The following FREM1 variants were observed in gnomAD, a reference collection of about 807,000 sequenced individuals.
FREM1 encodes FRAS1 related extracellular matrix 1.
Under a neutral mutation model 210.1 loss-of-function variants are expected in FREM1, and 220 were observed. The ratio of observed to expected loss-of-function variants is 1.05; its 90% CI spans 0.94 to 1.17. The LOEUF (loss-of-function observed/expected upper bound fraction) is 1.17. Among genes scored for constraint, FREM1 ranks in the 50% most tolerant of loss-of-function variants. The pLI is 0.00. For missense variants in FREM1, 3,454 were observed against 2,675.5 expected (o/e 1.29, Z -6.42); for synonymous variants, 1,189 against 980.2 (o/e 1.21, Z -3.98).
chr9:14,898,772 C>T (rs1838235382), intron 1 of FREM1, among the ~76,000 whole-genome samples: 1 of 152,116 alleles, frequency 6.6e-6, no homozygotes, highest in Non-Finnish European at 1.5e-5. Flanking sequence ...GAATGTACAA[C>T]ACAAAGAGTG....
chr9:14,795,588 G>A (rs527759938), intron 21 of FREM1, among the ~76,000 whole-genome samples: 1 of 152,294 alleles, frequency 6.6e-6, no homozygotes, highest in African/African-American at 2.4e-5. Flanking sequence ...AAAAGGGAGG[G>A]TTTTTGAAGC....
chr9:14,879,722 G>A (rs552400644), intron 1 of FREM1, among the ~76,000 whole-genome samples: 1 of 152,158 alleles, frequency 6.6e-6, no homozygotes, highest in African/African-American at 2.4e-5. Flanking sequence ...AAATAAAATG[G>A]AGAAAAGCAT....
intron 4 of FREM1, among the ~76,000 whole-genome samples, chr9:14,858,662 A>G (rs1339091387): frequency 6.6e-6 from 1 of 152,208 alleles, no homozygotes; most frequent in Non-Finnish European, 1.5e-5. Context: ...AGAGAACAGG[A>G]GGTGCCCAAA....
chr9:14,756,346 T>G, intron 29 of FREM1, 28 bp downstream of exon 29: 3 of 1,512,300 alleles, frequency 2.0e-6, no homozygotes, highest in Non-Finnish European at 2.7e-6. Flanking sequence ...ACAAAACACA[T>G]AAAACAAACT....
At chr9:14,744,084 T>C (rs1038035197) in intron 35 of FREM1, among the ~76,000 whole-genome samples, 3 of 152,126 alleles carry the variant, frequency 2.0e-5, no homozygotes, top group African/African-American at 7.2e-5. Flanking sequence ...TTTTATCTTA[T>C]TTGATACCAC....
intron 8 of FREM1, among the ~76,000 whole-genome samples, chr9:14,845,353 G>A (rs985092463): frequency 6.6e-6 from 1 of 151,614 alleles, no homozygotes; most frequent in African/African-American, 2.4e-5. Flanking sequence ...CACCCAGGCT[G>A]GAGTGCAGTG....
chr9:14,910,526 G>C (rs1237697949), upstream of FREM1: 2 of 152,240 alleles, frequency 1.3e-5, no homozygotes, highest in African/African-American at 4.9e-5. Context: ...TTCACAAATG[G>C]GCACACAGTC....
chr9:14,839,684 T>C (rs900106912), intron 10 of FREM1, among the ~76,000 whole-genome samples: 18 of 152,204 alleles, frequency 1.2e-4, no homozygotes, highest in Admixed American at 7.9e-4. Context: ...ATCTGACATC[T>C]ATACTTGTGT....
chr9:14,890,113 GAGA>G (rs1174086858), intron 1 of FREM1, among the ~76,000 whole-genome samples: 1 of 152,178 alleles, frequency 6.6e-6, no homozygotes. Context: ...CTGTTCAGGG[GAGA>G]AGGTCAGAGA....
At chr9:14,749,862 C>T (rs1441791854) in intron 30 of FREM1, among the ~76,000 whole-genome samples, 4 of 152,160 alleles carry the variant, frequency 2.6e-5, no homozygotes, top group African/African-American at 9.7e-5. Context: ...AACACTGTTT[C>T]CCCCTCGGTG....
Position 14,869,088 on chromosome 9 carries a change from G to A in FREM1, c.-111C>T. On this transcript the variant is annotated 5_prime_UTR_variant, in exon 2 of 37. Coordinates refer to ENST00000380880, the MANE Select transcript of FREM1 (RefSeq NM_001379081.2). ...TCATAGTCCAAGGGGCAGGGTGAGG[G>A]GTCCTGACAATGTGCCCCGAGATCT... 1 of 666,032 alleles carries A rather than the reference G, an allele frequency of 1.5e-6. No individual in the cohort carries two copies. Among genetic ancestry groups the A allele is most frequent in the Non-Finnish European group, 2.5e-6 (1 of 406,196 alleles). The allele number at this position is 666,032 out of a possible 1,614,324, so 41.3% of individuals were successfully genotyped here.
Position 14,868,775 on chromosome 9 carries a change from AT to A in FREM1, c.202del (p.Ile68Ter). On this transcript the variant is annotated frameshift_variant, in exon 2 of 37. Coordinates refer to ENST00000380880, the MANE Select transcript of FREM1 (RefSeq NM_001379081.2). LOFTEE classifies it high-confidence loss of function. The stretch of plus-strand genomic sequence containing the variant: ...AGTGAGTTTCCCAACCCTCTGGGTT[AT>A]TGGCTCATTCATCACAACTTCCACT... ...CKVEVVMNEP[I>X]TQRVGKLTPQ... 1.2e-6 allele frequency: 2 copies of A among 1,612,626 alleles called. No individual in the cohort carries two copies. Among genetic ancestry groups the A allele is most frequent in the Non-Finnish European group, 1.7e-6 (2 of 1,179,338 alleles).
intron 28 of FREM1, among the ~76,000 whole-genome samples, chr9:14,758,703 C>T (rs1039633272): frequency 1.3e-5 from 2 of 151,958 alleles, no homozygotes; most frequent in African/African-American, 4.8e-5. Context: ...GGAGTCTTTA[C>T]AGCTCATTCT....
chr9:14,840,995 T>G (rs1055751060), intron 10 of FREM1, among the ~76,000 whole-genome samples: 3 of 152,214 alleles, frequency 2.0e-5, no homozygotes, highest in Non-Finnish European at 4.4e-5. Context: ...ATATGCATTA[T>G]CTCACCTTCA....
chr9:14,898,883 G>A (rs1230277034), intron 1 of FREM1, among the ~76,000 whole-genome samples: 1 of 152,168 alleles, frequency 6.6e-6, no homozygotes, highest in East Asian at 1.9e-4. Context: ...TGGAAAGTAG[G>A]GGTTGGGAAG....
At chr9:14,754,274 G>T (rs1010152658) in intron 29 of FREM1, among the ~76,000 whole-genome samples, 3 of 152,202 alleles carry the variant, frequency 2.0e-5, no homozygotes, top group African/African-American at 7.2e-5. Flanking sequence ...TGTAGGGATT[G>T]TTGGGTTGGC....
chr9:14,785,433 G>T (rs1006094212), intron 23 of FREM1, among the ~76,000 whole-genome samples: 1 of 152,210 alleles, frequency 6.6e-6, no homozygotes, highest in Non-Finnish European at 1.5e-5. Flanking sequence ...CTTCAATTGT[G>T]TGGTAGTTGC....
At chr9:14,796,457 G>C (rs1179467687) in intron 21 of FREM1, among the ~76,000 whole-genome samples, 1 of 152,094 alleles carries the variant, frequency 6.6e-6, no homozygotes, top group African/African-American at 2.4e-5. Flanking sequence ...AAATGGCTGG[G>C]GCTATAGAAA....
chr9:14,860,936 C>T lies in FREM1; in HGVS notation c.330-1452G>A, dbSNP rs1394555518. Among the ~76,000 whole-genome samples the T allele has an allele frequency of 1.6e-3, 119 of 73,424 alleles. 25 individuals are homozygous for T. Among genetic ancestry groups the T allele is most frequent in the African/African-American group, 7.9e-3 (109 of 13,736 alleles). 48.2% of individuals were successfully genotyped at this position (73,424 alleles called of 152,430 possible). On this transcript the variant is annotated intron_variant, in intron 3 of 36. Transcript: ENST00000380880. ...ACATATACACATATATACACATATA[C>T]ACACATATACACATATACACATATA...
Sources: allele counts gnomAD v4.1 joint callset (sites outside exome capture counted in the v4.1 genomes callset), GRCh38; gene constraint gnomAD v4.1.1; transcripts MANE v1.5; gene names NCBI Gene and HGNC (gene_info 2026-07-23, HGNC 2026-07-21).